ZNF280D: variants seen among roughly 807,000 people sequenced by gnomAD.
The protein encoded by ZNF280D is suppressor of hairy wing homolog 4.
ZNF280D carries 39 observed loss-of-function variants against 94.7 expected under a neutral mutation model. The ratio of observed to expected loss-of-function variants is 0.41; its 90% CI spans 0.32 to 0.54. ZNF280D has a LOEUF of 0.54. Ranked by LOEUF, ZNF280D falls within the 20% of genes least tolerant of loss-of-function variation. The probability of loss-of-function intolerance (pLI) is 0.22; values close to 1 mark genes in which losing one functional copy is unlikely to be tolerated. For missense variants in ZNF280D, 1,090 were observed against 1,149.3 expected, an observed-to-expected ratio of 0.95 and a Z score of 0.75; for synonymous variants, 398 against 377.6, an observed-to-expected ratio of 1.05 and a Z score of -0.63.
At chr15:56,716,695 GA>G (rs1201375610) in intron 1 of ZNF280D, among the ~76,000 whole-genome samples, 1 of 152,032 alleles carries the variant, frequency 6.6e-6, no homozygotes, top group Non-Finnish European at 1.5e-5. Flanking sequence ...CAAAATAACA[GA>G]ATTTGAGTAT....
chr15:56,710,972 C>T (rs2057730176), intron 1 of ZNF280D, among the ~76,000 whole-genome samples: 1 of 152,208 alleles, frequency 6.6e-6, no homozygotes, highest in South Asian at 2.1e-4. Flanking sequence ...AGCATGGCCA[C>T]AACCTTCTGC....
intron 13 of ZNF280D, among the ~76,000 whole-genome samples, chr15:56,669,903 A>ATATATATATATAT (rs2054621130): frequency 1.2e-3 from 3 of 2,548 alleles, no homozygotes; most frequent in Non-Finnish European, 2.3e-3. Context: ...TATATATATA[A>ATATATATATATAT]TATATATATA....
chr15:56,672,132 T>C (rs923731158), intron 13 of ZNF280D, among the ~76,000 whole-genome samples: 1 of 152,038 alleles, frequency 6.6e-6, no homozygotes, highest in Non-Finnish European at 1.5e-5. Context: ...CAAACAAAGA[T>C]AGTTTGACTT....
chr15:56,664,778 G>A (rs1161297984), intron 16 of ZNF280D, among the ~76,000 whole-genome samples: 5 of 152,148 alleles, frequency 3.3e-5, no homozygotes, highest in African/African-American at 1.2e-4. Flanking sequence ...GTCTAGAAGT[G>A]AGCACAGAGG....
intron 1 of ZNF280D, among the ~76,000 whole-genome samples, chr15:56,726,971 G>C (rs1011452365): frequency 9.2e-5 from 14 of 152,188 alleles, no homozygotes; most frequent in African/African-American, 3.4e-4. Flanking sequence ...CAAGTGGTTA[G>C]ACGTAGAGGC....
chr15:56,681,538 G>C (rs2055619564), intron 10 of ZNF280D, among the ~76,000 whole-genome samples: 1 of 151,908 alleles, frequency 6.6e-6, no homozygotes, highest in Admixed American at 6.6e-5. Context: ...TAAAGTGATA[G>C]GAAAAAACCT....
intron 11 of ZNF280D, 46 bp from the exon 12 acceptor site, chr15:56,677,720 A>G (rs1363961801): frequency 1.3e-6 from 1 of 782,402 alleles, no homozygotes; most frequent in Non-Finnish European, 1.8e-6. Flanking sequence ...AGATATTAAT[A>G]TAAAAATTAA....
chr15:56,731,137 A>G (rs1188007206), intron 1 of ZNF280D, among the ~76,000 whole-genome samples: 2 of 152,172 alleles, frequency 1.3e-5, no homozygotes, highest in African/African-American at 4.8e-5. Context: ...AAATTTAAAC[A>G]CTATCAGGAG....
In ZNF280D at chr15:56,720,979, G is replaced by GGC. The variant is rs1555428108; in HGVS notation, c.-86+12478_-86+12479insGC. On this transcript the variant is annotated intron_variant, in intron 1 of 21. Coordinates refer to ENST00000267807, the MANE Select transcript of ZNF280D (RefSeq NM_017661.4). The stretch of plus-strand genomic sequence containing the variant: ...GATTTAGCATTTTTTTTGGGGGGGG[G>GGC]GGGGACAGAGTCTCGCTCCATTGAC... Among the ~76,000 whole-genome samples, 72 of 123,830 alleles carry GGC rather than the reference G, an allele frequency of 5.8e-4. 2 individuals are homozygous for GGC. Among genetic ancestry groups the GGC allele is most frequent in the East Asian group, 1.7e-3 (6 of 3,512 alleles). 81.2% of individuals were successfully genotyped at this position (123,830 alleles called of 152,430 possible). A position where few individuals can be genotyped will look rare whatever the true frequency, so the allele number is the denominator to read the frequency against.
intron 13 of ZNF280D, among the ~76,000 whole-genome samples, chr15:56,674,247 T>C (rs1342408372): frequency 4.6e-5 from 7 of 152,062 alleles, no homozygotes; most frequent in Non-Finnish European, 8.8e-5. Flanking sequence ...AGTCCTAAGG[T>C]AGAATACATT....
rs542343306 is a variant in ZNF280D, at chr15:56,705,553, A to G, written c.29-1286T>C. ...AACACAAGTATGATATCTACCTAATACAAGTATTACATAGATTCAAGAAAA... is the reference window on the plus strand; with the variant it reads ...AACACAAGTATGATATCTACCTAATGCAAGTATTACATAGATTCAAGAAAA... On this transcript the variant is annotated intron_variant, in intron 3 of 21. Coordinates refer to ENST00000267807, the MANE Select transcript of ZNF280D (RefSeq NM_017661.4). Among the ~76,000 whole-genome samples the G allele has an allele frequency of 4.6e-5, 7 of 152,286 alleles. No individual in the cohort carries two copies. In the South Asian group the frequency reaches 1.5e-3, roughly 32 times the overall value.
chr15:56,664,370 C>G (rs1269327084), intron 16 of ZNF280D, among the ~76,000 whole-genome samples: 1 of 151,966 alleles, frequency 6.6e-6, no homozygotes, highest in African/African-American at 2.4e-5. Flanking sequence ...TTTTTAAATA[C>G]CTGAAAATGT....
In ZNF280D at chr15:56,696,238, T is replaced by C. The variant is rs180801295; in HGVS notation, c.382-3023A>G. ...TCAAAGTAAACATTTTCTCCAAATATTTGTGAAAAAATGGAAAAGTTACTT... is the reference window on the plus strand; with the variant it reads ...TCAAAGTAAACATTTTCTCCAAATACTTGTGAAAAAATGGAAAAGTTACTT... On this transcript the variant is annotated intron_variant, in intron 6 of 21. Transcript: ENST00000267807. Among the ~76,000 whole-genome samples the C allele has an allele frequency of 5.5e-4, 84 of 152,328 alleles. 1 individual carries two copies. In the Middle Eastern group the frequency reaches 0.027, roughly 49 times the overall value.
At chr15:56,727,789 CT>C (rs1483710526) in intron 1 of ZNF280D, among the ~76,000 whole-genome samples, 1 of 152,126 alleles carries the variant, frequency 6.6e-6, no homozygotes, top group East Asian at 1.9e-4. Flanking sequence ...GTGAAAATGA[CT>C]TTATAAGGGA....
Position 56,682,338 on chromosome 15 carries a change from T to C in ZNF280D, c.920A>G (p.His307Arg). Reference sequence around the variant, plus strand: ...CTGTTCCTCCTGGACATCTCCTTCATGTTTTCCATAATAAAAGTCATTAAC... The same window carrying C: ...CTGTTCCTCCTGGACATCTCCTTCACGTTTTCCATAATAAAAGTCATTAAC... ...MLVNDFYYGK[H>R]EGDVQEEQKT... Residue 307 changes from histidine to arginine, a missense_variant, in exon 10 of 22, where the codon CAT becomes CGT. Physicochemically the swap from His to Arg is conservative, Grantham distance 29 (BLOSUM62 0). Around this residue, in one of 3 missense-constraint regions of ZNF280D, gnomAD observed 386 missense variants for 372.0 expected, o/e 1.04. Transcript: ENST00000267807. 1 of 1,600,824 alleles carries C rather than the reference T, an allele frequency of 6.2e-7. No individual in the cohort carries two copies. Among genetic ancestry groups the C allele is most frequent in the South Asian group, 1.1e-5 (1 of 87,582 alleles).
intron 1 of ZNF280D, among the ~76,000 whole-genome samples, chr15:56,709,232 T>G (rs556515607): frequency 0.016 from 2,416 of 152,256 alleles, 24 homozygotes; most frequent in Non-Finnish European, 0.022. Context: ...AGAAGACATT[T>G]ATGCAGCCAA....
chr15:56,699,323 T>C (rs1567000471), intron 6 of ZNF280D: 2 of 921,506 alleles, frequency 2.2e-6, no homozygotes, highest in East Asian at 1.2e-4. Flanking sequence ...AAGAAGCAAA[T>C]ATAGCTCACA....
intron 13 of ZNF280D, among the ~76,000 whole-genome samples, chr15:56,674,491 CTACCTT>C (rs1566966690): frequency 6.6e-6 from 1 of 151,992 alleles, no homozygotes. Context: ...TATGTAATTT[CTACCTT>C]TAGACCCAAT....
chr15:56,675,299 T>C (rs1199143782), intron 13 of ZNF280D, among the ~76,000 whole-genome samples: 2 of 152,008 alleles, frequency 1.3e-5, no homozygotes, highest in African/African-American at 4.8e-5. Flanking sequence ...AAAAACCCCA[T>C]CGTGAACTAG....
Sources: allele counts gnomAD v4.1 joint callset (sites outside exome capture counted in the v4.1 genomes callset), GRCh38; gene constraint gnomAD v4.1.1; regional missense constraint gnomAD v4.1.1; transcripts MANE v1.5; gene names NCBI Gene and HGNC (gene_info 2026-07-23, HGNC 2026-07-21).